The following DNAH17 variants were observed in gnomAD, a reference collection of about 807,000 sequenced individuals.
The protein encoded by DNAH17 is dynein axonemal heavy chain 17.
DNAH17 carries 376 observed loss-of-function variants against 485.6 expected under a neutral mutation model. The observed-to-expected ratio is 0.77, with a 90% CI of 0.71 to 0.84. The LOEUF (loss-of-function observed/expected upper bound fraction) is 0.84, where lower values mean the gene tolerates loss of function less well. Among genes scored for constraint, DNAH17 ranks in the 40% least tolerant of loss-of-function variants. The probability of loss-of-function intolerance (pLI) is 0.00; values close to 1 mark genes in which losing one functional copy is unlikely to be tolerated. For synonymous variants in DNAH17, 3,031 were observed against 2,405.9 expected, an observed-to-expected ratio of 1.26 and a Z score of -7.60; for missense variants, 6,370 against 5,839.3, an observed-to-expected ratio of 1.09 and a Z score of -2.96.
intron 19 of DNAH17, among the ~76,000 whole-genome samples, chr17:78,535,442 C>T: frequency 6.6e-6 from 1 of 152,282 alleles, no homozygotes; most frequent in Non-Finnish European, 1.5e-5. Context: ...TTAGCTGTTC[C>T]CTCGTGTCCT....
At chr17:78,437,534 G>A in intron 74 of DNAH17, 107 bp downstream of exon 74, 2 of 741,020 alleles carry the variant, frequency 2.7e-6, no homozygotes, top group Non-Finnish European at 4.3e-6. Flanking sequence ...CAGAGGGGAG[G>A]TGTCCCCAGA....
intron 11 of DNAH17, among the ~76,000 whole-genome samples, chr17:78,565,788 A>G (rs2092254332): frequency 6.6e-6 from 1 of 152,170 alleles, no homozygotes; most frequent in South Asian, 2.1e-4. Flanking sequence ...CATCTCTAGC[A>G]AAAATAGAAA....
chr17:78,460,343 T>TGCATGTGTGTGCATGTATGC, intron 58 of DNAH17, 86 bp from the exon 59 acceptor site: 1 of 952,866 alleles, frequency 1.0e-6, no homozygotes, highest in Non-Finnish European at 1.6e-6. Flanking sequence ...TGCATGTGTG[T>TGCATGTGTGTGCATGTATGC]GCATGTGTGT....
In DNAH17 at chr17:78,557,818, A is replaced by T. The variant is rs188304199; in HGVS notation, c.2178+290T>A. ...ACTAATTTAATTCTGTTCTGCTTGGAGATCTTACACCAGAAGTTGTTGGGT... is the reference window on the plus strand; with the variant it reads ...ACTAATTTAATTCTGTTCTGCTTGGTGATCTTACACCAGAAGTTGTTGGGT... On this transcript the variant is annotated intron_variant, in intron 14 of 80. Transcript: ENST00000389840. Among the ~76,000 whole-genome samples the T allele has an allele frequency of 2.7e-4, 41 of 151,970 alleles. No homozygotes were observed. In the East Asian group the frequency reaches 7.7e-3, roughly 29 times the overall value.
At chr17:78,464,034 T>C (rs967343405) in intron 56 of DNAH17, among the ~76,000 whole-genome samples, 6 of 152,186 alleles carry the variant, frequency 3.9e-5, no homozygotes, top group African/African-American at 1.4e-4. Context: ...GTAGGCTCTT[T>C]TTCCCATCTT....
intron 61 of DNAH17, 117 bp from the exon 62 acceptor site, chr17:78,458,797 C>T: frequency 9.1e-7 from 1 of 1,099,930 alleles, no homozygotes; most frequent in East Asian, 2.4e-5. Context: ...CCCACAAAGG[C>T]TGAGAGCCCT....
At chr17:78,549,406 C>G (rs937950832) in intron 16 of DNAH17, among the ~76,000 whole-genome samples, 2 of 152,122 alleles carry the variant, frequency 1.3e-5, no homozygotes, top group Non-Finnish European at 2.9e-5. Flanking sequence ...GGACAGTGGG[C>G]CCAAGTGTTT....
chr17:78,548,844 G>A (rs933289694), intron 16 of DNAH17, among the ~76,000 whole-genome samples: 5 of 152,232 alleles, frequency 3.3e-5, no homozygotes, highest in Non-Finnish European at 7.3e-5. Context: ...CGGCATCTGA[G>A]GGCATGTGCC....
Position 78,473,916 on chromosome 17 carries a change from C to T in DNAH17, c.8511+1362G>A, listed in dbSNP as rs370448013. On this transcript the variant is annotated intron_variant, in intron 54 of 80. Coordinates refer to ENST00000389840, the MANE Select transcript of DNAH17 (RefSeq NM_173628.4). The stretch of plus-strand genomic sequence containing the variant: ...AACTCCATCAGATGCGCTGAGAACC[C>T]ATGACACACTACCGCTCATGGGTCC... 3.7e-4 allele frequency among the ~76,000 whole-genome samples: 57 copies of T among 152,302 alleles called. 1 individual carries two copies. The South Asian group carries it at 0.01, about 28-fold the overall frequency.
intron 27 of DNAH17, among the ~76,000 whole-genome samples, chr17:78,508,451 A>G (rs1406777505): frequency 1.3e-5 from 2 of 152,206 alleles, no homozygotes; most frequent in African/African-American, 4.8e-5. Flanking sequence ...TTCAACTCTA[A>G]CTGTGTTTTG....
chr17:78,475,602 T>C, intron 53 of DNAH17, 67 bp downstream of exon 53: 2 of 1,603,674 alleles, frequency 1.2e-6, no homozygotes, highest in Non-Finnish European at 1.7e-6. Flanking sequence ...CGGATGTCGA[T>C]AATGCAACCG....
At chr17:78,515,925 A>G (rs188748142) in intron 25 of DNAH17, among the ~76,000 whole-genome samples, 1 of 152,356 alleles carries the variant, frequency 6.6e-6, no homozygotes, top group East Asian at 1.9e-4. Context: ...TCACAACAAT[A>G]TGAAACAAAA....
chr17:78,531,735 A>G (rs1360047107), intron 20 of DNAH17, among the ~76,000 whole-genome samples: 1 of 152,182 alleles, frequency 6.6e-6, no homozygotes, highest in East Asian at 1.9e-4. Flanking sequence ...TTTGCATTCA[A>G]TCTGTCTTTA....
At chr17:78,557,284 T>C (rs2092044994) in intron 14 of DNAH17, among the ~76,000 whole-genome samples, 1 of 152,142 alleles carries the variant, frequency 6.6e-6, no homozygotes, top group African/African-American at 2.4e-5. Flanking sequence ...ACTTTAATAT[T>C]ATCCAAAATT....
At chr17:78,491,606 A>G in intron 42 of DNAH17, 36 bp from the exon 43 acceptor site, 1 of 1,603,602 alleles carries the variant, frequency 6.2e-7, no homozygotes, top group Non-Finnish European at 8.5e-7. Flanking sequence ...CGGGCCCTTC[A>G]CTCCGGCCCC....
At chr17:78,468,486 A>T (rs1391338535) in intron 55 of DNAH17, 131 bp downstream of exon 55, 1 of 1,253,760 alleles carries the variant, frequency 8.0e-7, no homozygotes, top group African/African-American at 1.5e-5. Flanking sequence ...CACCCCTCAC[A>T]CTCTCCTAAC....
chr17:78,490,700 G>A lies in DNAH17; in HGVS notation c.6817C>T (p.Pro2273Ser), dbSNP rs778395616. 6.2e-7 allele frequency: 1 copy of A among 1,606,432 alleles called. No individual in the cohort carries two copies. Among genetic ancestry groups the A allele is most frequent in the Non-Finnish European group, 8.5e-7 (1 of 1,175,972 alleles). The change falls in exon 44 of 81, where the codon CCG (proline) becomes TCG (serine). Residue 2273 changes from proline (P) to serine (S), a missense_variant and splice_region_variant. Transcript: ENST00000389840. ...YINPADLGWN[P>S]VVSSWIERRK... is the part of the protein sequence containing the mutation. ...CAGGAAAGCCAAAGCCCCACTCACG[G>A]GTTCCATCCCAGGTCGGCTGGGTTG...
At chr17:78,425,122 GT>G (rs1598428212) in intron 80 of DNAH17, 22 of 484,716 alleles carry the variant, frequency 4.5e-5, no homozygotes, top group East Asian at 2.0e-4. Flanking sequence ...TGACTGGGGT[GT>G]TTTTGGTCTC....
At chr17:78,553,837 C>T (rs926560963) in intron 14 of DNAH17, among the ~76,000 whole-genome samples, 4 of 152,108 alleles carry the variant, frequency 2.6e-5, no homozygotes, top group African/African-American at 9.7e-5. Context: ...ATACATAAAT[C>T]CTCAGTATAT....
Sources: allele counts gnomAD v4.1 joint callset (sites outside exome capture counted in the v4.1 genomes callset), GRCh38; gene constraint gnomAD v4.1.1; transcripts MANE v1.5; gene names NCBI Gene and HGNC (gene_info 2026-07-23, HGNC 2026-07-21).